The following COL4A2 variants were observed in gnomAD, a reference collection of about 807,000 sequenced individuals.
COL4A2 encodes collagen alpha-2(IV) chain.
A neutral mutation model predicts 200.2 loss-of-function variants in COL4A2; 99 were observed. That is an observed-to-expected ratio of 0.49 (90% CI 0.42 to 0.58). The LOEUF (loss-of-function observed/expected upper bound fraction) is 0.58, where lower values mean the gene tolerates loss of function less well. Among genes scored for constraint, COL4A2 ranks in the 20% least tolerant of loss-of-function variants. The probability of loss-of-function intolerance (pLI) is 0.00; values close to 1 mark genes in which losing one functional copy is unlikely to be tolerated. For synonymous variants in COL4A2, 897 were observed against 900.6 expected, an observed-to-expected ratio of 1.00 and a Z score of 0.07; for missense variants, 1,950 against 2,314.1, an observed-to-expected ratio of 0.84 and a Z score of 3.23.
chr13:110,360,173 A>ACTAT (rs1163302333), intron 4 of COL4A2, among the ~76,000 whole-genome samples: 2 of 152,186 alleles, frequency 1.3e-5, no homozygotes, highest in African/African-American at 4.8e-5. Context: ...GCATGGATAG[A>ACTAT]ATTGGTGGTA....
At chr13:110,458,082 G>A (rs1028948005) in intron 21 of COL4A2, 21 of 466,698 alleles carry the variant, frequency 4.5e-5, no homozygotes, top group Admixed American at 4.0e-4. Context: ...AGCACTTCCT[G>A]GGACTTACCA....
chr13:110,478,040 C>A lies in COL4A2; in HGVS notation c.2463C>A (p.Gly821=). The change falls in exon 30 of 48, where the codon GGC becomes GGA. Residue 821 remains glycine (G), a synonymous_variant. Coordinates refer to ENST00000360467, the MANE Select transcript of COL4A2 (RefSeq NM_001846.4). ...QGMPGMPGLK[G]QPGLPGPSGQ... ...TGCCTGGGATGCCAGGGCTGAAGGG[C>A]CAGCCAGGCCTCCCAGGACCTTCCG... 6.3e-7 allele frequency: 1 copy of A among 1,589,974 alleles called. No homozygotes were observed. Among genetic ancestry groups the A allele is most frequent in the South Asian group, 1.1e-5 (1 of 88,448 alleles).
intron 3 of COL4A2, among the ~76,000 whole-genome samples, chr13:110,332,783 C>G (rs1875986908): frequency 6.6e-6 from 1 of 152,182 alleles, no homozygotes; most frequent in Admixed American, 6.5e-5. Flanking sequence ...ACCTGGTTTC[C>G]TTAGTAATTG....
intron 47 of COL4A2, among the ~76,000 whole-genome samples, chr13:110,509,941 A>T (rs186152961): frequency 4.2e-4 from 64 of 152,296 alleles, no homozygotes; most frequent in African/African-American, 1.5e-3. Flanking sequence ...TGCCCCCTCC[A>T]GATGTGCCCT....
rs1002178849 is a variant in COL4A2, at chr13:110,325,620, A to G, written c.99+17497A>G. ...CTGATCACTGGAGGCTTCCTCCTGG[A>G]GGCTTCTAATCCCCGTGTCGCTTCA... On this transcript the variant is annotated intron_variant, in intron 3 of 47. Transcript: ENST00000360467. Among the ~76,000 whole-genome samples, 5 of 152,174 alleles carry G rather than the reference A, an allele frequency of 3.3e-5. No homozygotes were observed. In the East Asian group the frequency reaches 9.6e-4, roughly 29 times the overall value.
At chr13:110,353,799 A>C (rs576837500) in intron 3 of COL4A2, among the ~76,000 whole-genome samples, 1 of 152,308 alleles carries the variant, frequency 6.6e-6, no homozygotes, top group African/African-American at 2.4e-5. Context: ...GCGTGTGTGC[A>C]CGCACGGCTG....
At position 110,473,187 on chromosome 13, in the gene COL4A2, A is replaced by C. The variant is rs767010880; in HGVS notation, c.2425+37A>C. ...ATCGGGGAGCCGGGGGCCCCATCCC[A>C]GATGCACAGTGGCCTCCAAGGGCGA... On this transcript the variant is annotated intron_variant, in intron 29 of 47. Coordinates refer to ENST00000360467, the MANE Select transcript of COL4A2 (RefSeq NM_001846.4). 108 of 1,542,724 alleles carry C rather than the reference A, an allele frequency of 7.0e-5. No individual in the cohort carries two copies. The Admixed American group carries it at 2.0e-3, about 29-fold the overall frequency.
intron 28 of COL4A2, among the ~76,000 whole-genome samples, chr13:110,470,433 C>G (rs1046230350): frequency 6.6e-6 from 1 of 152,130 alleles, no homozygotes; most frequent in Non-Finnish European, 1.5e-5. Context: ...GAGTTCTCAC[C>G]GGGCTGTTCC....
chr13:110,317,337 C>T (rs1356641874), intron 3 of COL4A2, among the ~76,000 whole-genome samples: 1 of 150,244 alleles, frequency 6.7e-6, no homozygotes, highest in African/African-American at 2.4e-5. Flanking sequence ...CACACTTGCA[C>T]CCACACACAC....
chr13:110,317,184 A>T (rs1885156826), intron 3 of COL4A2, among the ~76,000 whole-genome samples: 1 of 151,376 alleles, frequency 6.6e-6, no homozygotes, highest in Non-Finnish European at 1.5e-5. Context: ...ACATAGACAC[A>T]GAGATGCACA....
intron 3 of COL4A2, among the ~76,000 whole-genome samples, chr13:110,352,494 A>G (rs1877006414): frequency 6.6e-6 from 1 of 152,200 alleles, no homozygotes; most frequent in East Asian, 1.9e-4. Flanking sequence ...CCCCTACTCT[A>G]TACCCAGAGC....
chr13:110,402,160 A>C (rs1879394160), intron 4 of COL4A2, among the ~76,000 whole-genome samples: 1 of 152,214 alleles, frequency 6.6e-6, no homozygotes. Context: ...CAACCTAAAA[A>C]GTCTAAAGTC....
intron 3 of COL4A2, among the ~76,000 whole-genome samples, chr13:110,349,557 G>A (rs1876861130): frequency 6.6e-6 from 1 of 152,216 alleles, no homozygotes; most frequent in Non-Finnish European, 1.5e-5. Flanking sequence ...CTGGCAGCCA[G>A]GCAGCTAGTG....
At chr13:110,462,770 G>T (rs1882079751) in intron 24 of COL4A2, among the ~76,000 whole-genome samples, 1 of 152,024 alleles carries the variant, frequency 6.6e-6, no homozygotes, top group African/African-American at 2.4e-5. Context: ...TTGAAGGAGG[G>T]GCTACCTAGT....
At chr13:110,452,753 A>AT (rs894380190) in intron 20 of COL4A2, among the ~76,000 whole-genome samples, 91 of 142,830 alleles carry the variant, frequency 6.4e-4, no homozygotes, top group African/African-American at 2.3e-3. Context: ...TGTGAACTTT[A>AT]TTTTTTTATT....
chr13:110,489,715 C>T lies in COL4A2; in HGVS notation c.3276C>T (p.Asp1092=). The change falls in exon 36 of 48, where the codon GAC becomes GAT. Residue 1092 remains aspartate, a synonymous_variant. Transcript: ENST00000360467. ...CGTCTTTTTTGCATGTAACAGGTGA[C>T]ATCGGGGACACTATAAATTTACCAG... is the stretch of plus-strand genomic sequence containing the variant. ...GEIGATGDFG[D]IGDTINLPGR... is the part of the protein sequence containing the mutation. 6.2e-7 allele frequency: 1 copy of T among 1,614,224 alleles called. No individual in the cohort carries two copies. Among genetic ancestry groups the T allele is most frequent in the Non-Finnish European group, 8.5e-7 (1 of 1,180,040 alleles).
rs139797490 is a variant in COL4A2 at position 110,462,008 on chromosome 13, G to A, written c.1597-106G>A. The A allele has an allele frequency of 5.7e-4, 867 of 1,515,170 alleles. 2 individuals carry two copies. The East Asian group carries it at 0.011, about 19-fold the overall frequency. The allele number at this position is 1,515,170 out of a possible 1,614,324, so 93.9% of individuals were successfully genotyped here. On this transcript the variant is annotated intron_variant, in intron 22 of 47. Coordinates refer to ENST00000360467, the MANE Select transcript of COL4A2 (RefSeq NM_001846.4). ...CTTGGGTGGCGCTCGGTTTGGTGAC[G>A]GGTGACTGCCTGCCAGCTGTGTGAG...
At chr13:110,365,061 A>G (rs1877684128) in intron 4 of COL4A2, among the ~76,000 whole-genome samples, 1 of 152,102 alleles carries the variant, frequency 6.6e-6, no homozygotes, top group Non-Finnish European at 1.5e-5. Context: ...TTGTTTTTAA[A>G]TTTTAGTAGC....
intron 3 of COL4A2, among the ~76,000 whole-genome samples, chr13:110,314,002 G>T (rs9583484): frequency 0.16 from 24,293 of 152,204 alleles, 2,086 homozygotes; most frequent in South Asian, 0.24. Flanking sequence ...TTGTAAAACC[G>T]GCTCCTTTGA....
Sources: allele counts gnomAD v4.1 joint callset (sites outside exome capture counted in the v4.1 genomes callset), GRCh38; gene constraint gnomAD v4.1.1; transcripts MANE v1.5; gene names NCBI Gene and HGNC (gene_info 2026-07-23, HGNC 2026-07-21).